KALRN: variants seen among roughly 807,000 people sequenced by gnomAD.
KALRN encodes the protein kalirin RhoGEF kinase.
In KALRN, 70 loss-of-function variants were observed where a neutral mutation model predicts 353.7. That is an observed-to-expected ratio of 0.20 (90% CI 0.16 to 0.24). KALRN has a LOEUF of 0.24. Ranked by LOEUF, KALRN falls within the 10% of genes least tolerant of loss-of-function variation. The probability of loss-of-function intolerance (pLI) is 1.00; values close to 1 mark genes in which losing one functional copy is unlikely to be tolerated. For missense variants in KALRN, 2,791 were observed against 3,756.7 expected (o/e 0.74, Z 6.72); for synonymous variants, 1,391 against 1,434.8 (o/e 0.97, Z 0.69).
chr3:124,254,591 A>G (rs775443380), intron 3 of KALRN, among the ~76,000 whole-genome samples: 38 of 152,320 alleles, frequency 2.5e-4, no homozygotes, highest in East Asian at 1.9e-4. Flanking sequence ...GCAGCTACTT[A>G]TGAGTTTCAT....
chr3:124,192,584 G>A (rs1258501478), intron 1 of KALRN, among the ~76,000 whole-genome samples: 1 of 152,096 alleles, frequency 6.6e-6, no homozygotes, highest in African/African-American at 2.4e-5. Context: ...CCCATTCTCC[G>A]TGATGTGCTT....
At chr3:124,326,257 C>A in intron 7 of KALRN, 86 bp downstream of exon 7, 2 of 1,064,900 alleles carry the variant, frequency 1.9e-6, no homozygotes, top group Non-Finnish European at 2.6e-6. Flanking sequence ...CACACACACT[C>A]TCTATAGGGA....
intron 34 of KALRN, among the ~76,000 whole-genome samples, chr3:124,584,223 A>G (rs2074892401): frequency 6.6e-6 from 1 of 152,114 alleles, no homozygotes; most frequent in South Asian, 2.1e-4. Flanking sequence ...AATATGAGGC[A>G]CTGTTATCAT....
At chr3:124,485,428 G>T (rs929871921) in intron 28 of KALRN, among the ~76,000 whole-genome samples, 1 of 152,218 alleles carries the variant, frequency 6.6e-6, no homozygotes, top group Non-Finnish European at 1.5e-5. Context: ...GATGGAATAG[G>T]CTTGTGTTTT....
chr3:124,607,933 G>A (rs2077519713), intron 34 of KALRN, among the ~76,000 whole-genome samples: 1 of 151,822 alleles, frequency 6.6e-6, no homozygotes, highest in South Asian at 2.1e-4. Flanking sequence ...AATTAACATT[G>A]TATCCTGCTT....
intron 6 of KALRN, 141 bp downstream of exon 6, chr3:124,299,054 G>A (rs1395978553): frequency 8.9e-7 from 1 of 1,129,758 alleles, no homozygotes. Context: ...GTTGGAATGG[G>A]GATGAGTGCA....
At chr3:124,317,888 C>G (rs1187160104) in intron 6 of KALRN, among the ~76,000 whole-genome samples, 1 of 152,112 alleles carries the variant, frequency 6.6e-6, no homozygotes, top group Non-Finnish European at 1.5e-5. Flanking sequence ...ACTTGCCTCA[C>G]TAGGTGCCCC....
At chr3:124,094,837 G>A (rs1179610090) in intron 1 of KALRN, 2 of 1,613,890 alleles carry the variant, frequency 1.2e-6, no homozygotes, top group South Asian at 1.1e-5. Context: ...TTCAGGGTGG[G>A]ATGACGGACC....
chr3:124,696,090 G>A lies in KALRN; in HGVS notation c.7578-44G>A, dbSNP rs572780120. 6.2e-6 allele frequency: 10 copies of A among 1,608,118 alleles called. No individual in the cohort carries two copies. The East Asian group carries it at 1.3e-4, about 22-fold the overall frequency. The stretch of plus-strand genomic sequence containing the variant: ...ATGGGATTTTACCCAGCAGTCAAGT[G>A]TCTCATTACTGGAGTCTGAAGAGCA... On this transcript the variant is annotated intron_variant, in intron 53 of 59. Coordinates refer to ENST00000682506, the MANE Select transcript of KALRN (RefSeq NM_001388419.1).
At chr3:124,544,064 T>G (rs550070968) in intron 33 of KALRN, among the ~76,000 whole-genome samples, 2 of 152,264 alleles carry the variant, frequency 1.3e-5, no homozygotes, top group East Asian at 3.9e-4. Flanking sequence ...TTACATTAAA[T>G]TCTGTCATGA....
chr3:124,538,697 C>T lies in KALRN; in HGVS notation c.4936-24146C>T, dbSNP rs117150671. On this transcript the variant is annotated intron_variant, in intron 33 of 59. Coordinates refer to ENST00000682506, the MANE Select transcript of KALRN (RefSeq NM_001388419.1). Reference sequence around the variant, plus strand: ...TCAGAATGACGACCCTGTAGCAGAGCGAATAGTGGGGCCCCAAAAGGCCAC... The same window carrying T: ...TCAGAATGACGACCCTGTAGCAGAGTGAATAGTGGGGCCCCAAAAGGCCAC... 2.0e-3 allele frequency among the ~76,000 whole-genome samples: 302 copies of T among 152,202 alleles called. 3 individuals carry two copies. In the East Asian group the frequency reaches 0.035, roughly 17 times the overall value.
chr3:124,057,482 G>A (rs964983520), intron 1 of KALRN, among the ~76,000 whole-genome samples: 3 of 152,178 alleles, frequency 2.0e-5, no homozygotes, highest in South Asian at 2.1e-4. Context: ...GGCAGTATAC[G>A]ATGCATTCAG....
At chr3:124,323,260 A>C (rs1580949389) in intron 6 of KALRN, among the ~76,000 whole-genome samples, 3 of 152,278 alleles carry the variant, frequency 2.0e-5, no homozygotes, top group African/African-American at 7.2e-5. Flanking sequence ...TCTTCCCAAC[A>C]GCCCTGCCAG....
Position 124,471,256 on chromosome 3 carries a change from T to A in KALRN, c.4032-3407T>A, listed in dbSNP as rs911167537. Among the ~76,000 whole-genome samples, 36 of 138,812 alleles carry A rather than the reference T, an allele frequency of 2.6e-4. No homozygotes were observed. In the East Asian group the frequency reaches 4.6e-3, roughly 18 times the overall value. The allele number at this position is 138,812 out of a possible 152,430, so 91.1% of individuals were successfully genotyped here. On this transcript the variant is annotated intron_variant, in intron 25 of 59. Coordinates refer to ENST00000682506, the MANE Select transcript of KALRN (RefSeq NM_001388419.1). ...ATCCTTACAAGCACCCCCACAAAGT[T>A]TTATTATTATTATTATTATTATTAT...
chr3:124,671,755 T>C lies in KALRN; in HGVS notation c.6799T>C (p.Tyr2267His). ...GCTTCCCCAAGCCAGCCCCAGGCCC[T>C]ACTCCTCTGTTCCTGCGGGCTCAGA... is the stretch of plus-strand genomic sequence containing the variant. The part of the protein sequence containing the change: ...ARLPQASPRP[Y>H]SSVPAGSEKP... Residue 2267 changes from tyrosine to histidine, a missense_variant, in exon 48 of 60, where the codon TAC (tyrosine) becomes CAC (histidine). Physicochemically the swap from Tyr to His is moderately conservative, Grantham distance 83 (BLOSUM62 2). Transcript: ENST00000682506. 1 of 1,614,102 alleles carries C rather than the reference T, an allele frequency of 6.2e-7. No individual in the cohort carries two copies. The highest frequency in any genetic ancestry group is 8.5e-7 in the Non-Finnish European group (1 of 1,179,950).
intron 3 of KALRN, 21 bp from the exon 4 acceptor site, chr3:124,264,477 C>A (rs375763254): frequency 6.2e-7 from 1 of 1,609,354 alleles, no homozygotes; most frequent in South Asian, 1.1e-5. Context: ...GTGACCATAC[C>A]GACCTCTGAC....
intron 1 of KALRN, among the ~76,000 whole-genome samples, chr3:124,097,835 G>A (rs1485571299): frequency 2.6e-5 from 4 of 152,176 alleles, no homozygotes; most frequent in African/African-American, 9.7e-5. Flanking sequence ...TTATTTTGAT[G>A]ATTTATTCTC....
chr3:124,613,213 T>C (rs1324134751), intron 34 of KALRN, among the ~76,000 whole-genome samples: 2 of 151,920 alleles, frequency 1.3e-5, no homozygotes, highest in Non-Finnish European at 2.9e-5. Context: ...AAAAAAAATA[T>C]GTCTTACACT....
intron 27 of KALRN, among the ~76,000 whole-genome samples, 182 bp from the exon 28 acceptor site, chr3:124,482,626 T>A (rs1234299027): frequency 1.3e-5 from 2 of 152,174 alleles, no homozygotes; most frequent in Non-Finnish European, 2.9e-5. Context: ...TTTCTCTATA[T>A]GCATCTTGGT....
Sources: allele counts gnomAD v4.1 joint callset (sites outside exome capture counted in the v4.1 genomes callset), GRCh38; gene constraint gnomAD v4.1.1; transcripts MANE v1.5; gene names NCBI Gene and HGNC (gene_info 2026-07-23, HGNC 2026-07-21).